Variants in SPTBN5 observed in about 807,000 individuals in gnomAD.
SPTBN5 encodes spectrin beta, non-erythrocytic 5.
In SPTBN5, 513 loss-of-function variants were observed where a neutral mutation model predicts 477.6. That is an observed-to-expected ratio of 1.07 (90% CI 1.00 to 1.16). SPTBN5 has a LOEUF of 1.16. SPTBN5 is among the 50% of genes most tolerant of loss of function. The pLI is 0.00. For missense variants in SPTBN5, 5,062 were observed against 4,731.8 expected, an observed-to-expected ratio of 1.07 and a Z score of -2.05; for synonymous variants, 2,169 against 2,011.7, an observed-to-expected ratio of 1.08 and a Z score of -2.09.
At position 41,855,549 on chromosome 15, in the gene SPTBN5, C is replaced by T; in HGVS notation, c.9218G>A (p.Ser3073Asn). ...ALLESRKNPE[S>N]PKVLAQLQAV... is the part of the protein sequence containing the mutation. ...CGCGGATGGTGTGGCTTCCGCCCAC[C>T]TTTCTGGGTTCTTCCTGCTCTCCAG... The change falls in exon 54 of 68, where the codon AGC becomes AAC. Residue 3073 changes from serine (S) to asparagine (N), a missense_variant and splice_region_variant. Coordinates refer to ENST00000320955, the MANE Select transcript of SPTBN5 (RefSeq NM_016642.4). 3 of 1,608,178 alleles carry T rather than the reference C, an allele frequency of 1.9e-6. No homozygotes were observed. The South Asian group carries it at 3.3e-5, about 18-fold the overall frequency.
chr15:41,888,118 G>T, intron 4 of SPTBN5, 33 bp from the exon 5 acceptor site: 1 of 1,544,242 alleles, frequency 6.5e-7, no homozygotes, highest in South Asian at 1.2e-5. Context: ...TCACCATGCG[G>T]GGATGGGGTG....
chr15:41,881,262 A>C (rs1222118040), intron 12 of SPTBN5, 28 bp from the exon 13 acceptor site: 14 of 1,563,614 alleles, frequency 9.0e-6, no homozygotes, highest in Non-Finnish European at 1.2e-5. Flanking sequence ...GCGCGTCTAC[A>C]GGCGACCCCA....
In SPTBN5 at chr15:41,862,650, C is replaced by T. The variant is rs1341364884; in HGVS notation, c.7274G>A (p.Arg2425His). 9 of 1,553,412 alleles carry T rather than the reference C, an allele frequency of 5.8e-6. No homozygotes were observed. Among genetic ancestry groups the T allele is most frequent in the East Asian group, 2.4e-5 (1 of 41,808 alleles). ...PIQAQVESLE[R>H]EVGRLCQRSP... is the part of the protein sequence containing the mutation. Reference sequence around the variant, plus strand: ...TCTTTGGCAGAGGCGGCCCACTTCACGCTCTAGGGACTGCGGGGGAAGCCG... The same window carrying T: ...TCTTTGGCAGAGGCGGCCCACTTCATGCTCTAGGGACTGCGGGGGAAGCCG... Residue 2425 changes from arginine to histidine, a missense_variant, in exon 43 of 68, where the codon CGT (arginine) becomes CAT (histidine). Physicochemically the swap from Arg to His is conservative, Grantham distance 29 (BLOSUM62 0). Coordinates refer to ENST00000320955, the MANE Select transcript of SPTBN5 (RefSeq NM_016642.4).
At chr15:41,867,489 C>A in intron 35 of SPTBN5, 49 bp downstream of exon 35, 1 of 1,571,392 alleles carries the variant, frequency 6.4e-7, no homozygotes, top group Non-Finnish European at 8.8e-7. Flanking sequence ...TCAGGACTCT[C>A]TCCCAACCAC....
chr15:41,858,758 TG>T lies in SPTBN5; in HGVS notation c.8080-11del, dbSNP rs1567190279. ...TCAGCCACGCAGCCACCTGGGCACA[TG>T]GGGAGGACAGGCCTGCTGTCCAGGG... On this transcript the variant is annotated splice_polypyrimidine_tract_variant and intron_variant, in intron 48 of 67. Transcript: ENST00000320955. The T allele has an allele frequency of 2.5e-6, 4 of 1,608,206 alleles. No individual in the cohort carries two copies. The highest frequency in any genetic ancestry group is 2.5e-6 in the Non-Finnish European group (3 of 1,177,890).
rs114677865 is a variant in SPTBN5 at position 41,876,452 on chromosome 15, G to A, written c.3951+96C>T. On this transcript the variant is annotated intron_variant, in intron 20 of 67. Coordinates refer to ENST00000320955, the MANE Select transcript of SPTBN5 (RefSeq NM_016642.4). ...GTGTTGAGAGGATGAATGACATAGC[G>A]CGTGAGGAAAGTGCTCTGTAGGCTG... is the stretch of plus-strand genomic sequence containing the variant. The A allele has an allele frequency of 2.2e-3, 2,941 of 1,343,566 alleles. 66 individuals are homozygous for A. The African/African-American group carries it at 0.036, about 17-fold the overall frequency. 83.2% of individuals were successfully genotyped at this position (1,343,566 alleles called of 1,614,324 possible). A position where few individuals can be genotyped will look rare whatever the true frequency, so the allele number is the denominator to read the frequency against.
intron 25 of SPTBN5, 23 bp downstream of exon 25, chr15:41,873,822 A>C (rs746367967): frequency 1.2e-6 from 2 of 1,607,244 alleles, no homozygotes; most frequent in Non-Finnish European, 1.7e-6. Flanking sequence ...CTCTTCCCCC[A>C]ACCCCACCTC....
intron 57 of SPTBN5, 24 bp downstream of exon 57, chr15:41,854,026 C>T: frequency 1.3e-6 from 2 of 1,540,374 alleles, no homozygotes; most frequent in Middle Eastern, 1.9e-4. Flanking sequence ...CTCAGACAGG[C>T]AGGCTGCAGG....
Position 41,861,557 on chromosome 15 carries a change from T to C in SPTBN5, c.7738-61A>G, listed in dbSNP as rs886282182. ...GAGGGTCCAGCCACTGCAGTTGGAGTGACTGTTCCAGTGGCACAGGTTAGG... is the reference window on the plus strand; with the variant it reads ...GAGGGTCCAGCCACTGCAGTTGGAGCGACTGTTCCAGTGGCACAGGTTAGG... On this transcript the variant is annotated intron_variant, in intron 45 of 67. Transcript: ENST00000320955. The C allele has an allele frequency of 1.1e-5, 17 of 1,573,286 alleles. No individual in the cohort carries two copies. The Admixed American group carries it at 2.2e-4, about 20-fold the overall frequency.
chr15:41,863,785 G>C lies in SPTBN5; in HGVS notation c.7068C>G (p.Tyr2356Ter). 6.2e-7 allele frequency: 1 copy of C among 1,613,734 alleles called. No individual in the cohort carries two copies. Among genetic ancestry groups the C allele is most frequent in the East Asian group, 2.2e-5 (1 of 44,892 alleles). ...CCAAGGCCCCTTCGAGCTGCTGCTGGTACCGGAGCAAGTTGCCATGGAAAC... is the reference window on the plus strand; with the variant it reads ...CCAAGGCCCCTTCGAGCTGCTGCTGCTACCGGAGCAAGTTGCCATGGAAAC... ...WASFHGNLLRYQQQLEGALEI... is the reference protein window; with the variant it reads ...WASFHGNLLR Residue 2356 changes from tyrosine (Y) to a stop codon, truncating the protein, a stop_gained, in exon 41 of 68, where the codon TAC becomes TAG. Coordinates refer to ENST00000320955, the MANE Select transcript of SPTBN5 (RefSeq NM_016642.4). LOFTEE classifies it high-confidence loss of function.
chr15:41,873,338 G>A (rs2066607759), intron 26 of SPTBN5, among the ~76,000 whole-genome samples, 154 bp downstream of exon 26: 1 of 152,168 alleles, frequency 6.6e-6, no homozygotes, highest in South Asian at 2.1e-4. Flanking sequence ...AAGGGGCACT[G>A]TGGGATCTGG....
intron 63 of SPTBN5, 113 bp from the exon 64 acceptor site, chr15:41,851,482 C>A (rs747739462): frequency 1.6e-4 from 124 of 776,964 alleles, no homozygotes; most frequent in Non-Finnish European, 2.4e-4. Flanking sequence ...GTGGATTGGA[C>A]CAAAGTCCCA....
At chr15:41,852,778 G>GC (rs2140911791) in intron 60 of SPTBN5, 43 bp from the exon 61 acceptor site, 1 of 1,608,258 alleles carries the variant, frequency 6.2e-7, no homozygotes, top group East Asian at 2.2e-5. Flanking sequence ...TTGGGGGGGG[G>GC]GGCCCAGAGC....
chr15:41,863,909 C>CG lies in SPTBN5; in HGVS notation c.7033_7034insC (p.Arg2345ThrfsTer82). On this transcript the variant is annotated frameshift_variant and splice_region_variant, in exon 40 of 68. Coordinates refer to ENST00000320955, the MANE Select transcript of SPTBN5 (RefSeq NM_016642.4). LOFTEE classifies it high-confidence loss of function. ...TGGTTCTCCCCAGCCTGGGACTGGC[C>CG]TGTTGTTGAGCTGGCTTCGCCGCTG... 2 of 1,613,818 alleles carry CG rather than the reference C, an allele frequency of 1.2e-6. No homozygotes were observed. Among genetic ancestry groups the CG allele is most frequent in the Non-Finnish European group, 1.7e-6 (2 of 1,179,820 alleles).
In SPTBN5 at chr15:41,857,475, C is replaced by T; in HGVS notation, c.8384G>A (p.Ser2795Asn). 1 of 1,608,420 alleles carries T rather than the reference C, an allele frequency of 6.2e-7. No homozygotes were observed. Among genetic ancestry groups the T allele is most frequent in the East Asian group, 2.2e-5 (1 of 44,748 alleles). ...CAGCCAGTTCTCCAGTTCCTCCATGCTCCGCCGCAGACGCAGGGCCTAGGG... is the reference window on the plus strand; with the variant it reads ...CAGCCAGTTCTCCAGTTCCTCCATGTTCCGCCGCAGACGCAGGGCCTAGGG... ...KACEALRLRR[S>N]MEELENWLEP... Residue 2795 changes from serine to asparagine, a missense_variant, in exon 51 of 68, where the codon AGC becomes AAC. Transcript: ENST00000320955.
At chr15:41,868,666 C>G (rs2066424947) in intron 32 of SPTBN5, 65 bp from the exon 33 acceptor site, 2 of 1,526,528 alleles carry the variant, frequency 1.3e-6, no homozygotes, top group East Asian at 4.6e-5. Context: ...AAACCAGGTG[C>G]TGAGGCAACT....
chr15:41,890,991 C>T (rs944681475), intron 3 of SPTBN5, among the ~76,000 whole-genome samples: 14 of 152,342 alleles, frequency 9.2e-5, no homozygotes, highest in African/African-American at 2.9e-4. Context: ...TTTGCAGGGC[C>T]GTGCCTGCTG....
intron 29 of SPTBN5, among the ~76,000 whole-genome samples, chr15:41,871,113 T>G (rs2066519335): frequency 6.6e-6 from 1 of 152,240 alleles, no homozygotes; most frequent in Non-Finnish European, 1.5e-5. Flanking sequence ...GGCCCTGATG[T>G]CTGGCCCCAC....
At chr15:41,886,475 C>T in intron 6 of SPTBN5, 109 bp from the exon 7 acceptor site, 1 of 1,274,430 alleles carries the variant, frequency 7.8e-7, no homozygotes, top group African/African-American at 1.5e-5. Flanking sequence ...CTTCTCTGAG[C>T]CAAAGATGCT....
Sources: allele counts gnomAD v4.1 joint callset (sites outside exome capture counted in the v4.1 genomes callset), GRCh38; gene constraint gnomAD v4.1.1; transcripts MANE v1.5; gene names NCBI Gene and HGNC (gene_info 2026-07-23, HGNC 2026-07-21).